The following LRCH2 variants were observed in gnomAD, a reference collection of about 807,000 sequenced individuals.
LRCH2 encodes leucine-rich repeat and calponin homology domain-containing protein 2.
A neutral mutation model predicts 68.9 loss-of-function variants in LRCH2; 38 were observed. That is an observed-to-expected ratio of 0.55 (90% CI 0.43 to 0.72). The LOEUF is 0.72. Ranked by LOEUF, LRCH2 falls within the 30% of genes least tolerant of loss-of-function variation. The pLI is 0.00. For synonymous variants in LRCH2, 191 were observed against 208.1 expected (o/e 0.92, Z 0.71); for missense variants, 528 against 572.9 (o/e 0.92, Z 0.80).
chrX:115,131,771 T>A (rs2072247634), intron 14 of LRCH2, among the ~76,000 whole-genome samples: 1 of 111,657 alleles, frequency 9.0e-6, no homozygotes, highest in South Asian at 3.8e-4. Context: ...GCACCTGTTG[T>A]TTCCTGACTT....
At chrX:115,229,525 T>C (rs1384076031) in intron 1 of LRCH2, among the ~76,000 whole-genome samples, 2 of 112,382 alleles carry the variant, frequency 1.8e-5, no homozygotes, top group African/African-American at 6.5e-5. Context: ...AACATTTTAT[T>C]TTAAATGAAA....
At chrX:115,115,803 T>A (rs113464752) in intron 20 of LRCH2, among the ~76,000 whole-genome samples, 5,864 of 109,342 alleles carry the variant, frequency 0.054, 396 homozygotes, top group African/African-American at 0.18. Context: ...AAATCATGTA[T>A]CTCTTAGGCA....
At chrX:115,149,721 C>G (rs1468504437) in intron 14 of LRCH2, 106 bp downstream of exon 14, 1 of 450,121 alleles carries the variant, frequency 2.2e-6, no homozygotes, top group African/African-American at 2.5e-5. Context: ...AACACATTTA[C>G]TACATTTAAC....
intron 1 of LRCH2, among the ~76,000 whole-genome samples, chrX:115,230,023 AC>A (rs782067124): frequency 3.6e-5 from 4 of 112,365 alleles, no homozygotes; most frequent in Non-Finnish European, 7.5e-5. Flanking sequence ...GTACGCTGAA[AC>A]ATATCCACTT....
chrX:115,123,576 T>A (rs1556526716), intron 17 of LRCH2, among the ~76,000 whole-genome samples: 2 of 112,206 alleles, frequency 1.8e-5, no homozygotes, highest in Non-Finnish European at 3.8e-5. Context: ...GTAACATGGA[T>A]CCATTTTCTT....
intron 1 of LRCH2, among the ~76,000 whole-genome samples, chrX:115,202,769 G>A (rs2072939121): frequency 8.9e-6 from 1 of 111,812 alleles, no homozygotes; most frequent in South Asian, 3.7e-4. Flanking sequence ...TCCATACAAT[G>A]GAATAGCTTC....
At chrX:115,191,770 G>C (rs2072828684) in intron 1 of LRCH2, 1 of 1,162,058 alleles carries the variant, frequency 8.6e-7, no homozygotes, top group Non-Finnish European at 1.1e-6. Flanking sequence ...CGGAGGAGGA[G>C]GCCGCTACGA....
intron 7 of LRCH2, 138 bp from the exon 8 acceptor site, chrX:115,166,090 T>G (rs2072557498): frequency 1.6e-6 from 1 of 621,604 alleles, no homozygotes; most frequent in Admixed American, 3.7e-5. Context: ...ACATAAGGTT[T>G]ACTGCTCAGC....
intron 1 of LRCH2, among the ~76,000 whole-genome samples, chrX:115,207,676 A>G (rs994955148): frequency 8.9e-6 from 1 of 112,125 alleles, no homozygotes; most frequent in Non-Finnish European, 1.9e-5. Context: ...AAAATGGTTC[A>G]CCTTTTCCAC....
At chrX:115,156,080 A>G (rs1556539624) in intron 12 of LRCH2, among the ~76,000 whole-genome samples, 1 of 111,510 alleles carries the variant, frequency 9.0e-6, no homozygotes, top group Non-Finnish European at 1.9e-5. Context: ...GCCAAGCAGA[A>G]AAAGACTGGG....
intron 1 of LRCH2, among the ~76,000 whole-genome samples, chrX:115,212,709 A>G (rs1193980203): frequency 1.8e-5 from 2 of 109,370 alleles, no homozygotes; most frequent in African/African-American, 6.7e-5. Flanking sequence ...AGTGGCTCAT[A>G]TCTACAATCC....
chrX:115,183,624 G>T (rs1435142705), intron 3 of LRCH2, among the ~76,000 whole-genome samples: 1 of 110,896 alleles, frequency 9.0e-6, no homozygotes, highest in African/African-American at 3.3e-5. Context: ...AACCTGGGAG[G>T]CGGAGGTTGC....
At chrX:115,202,274 A>C (rs1556566573) in intron 1 of LRCH2, among the ~76,000 whole-genome samples, 1 of 112,008 alleles carries the variant, frequency 8.9e-6, no homozygotes, top group Non-Finnish European at 1.9e-5. Flanking sequence ...AGAAAGAAAA[A>C]TATCACATGT....
chrX:115,213,209 A>C (rs1240639383), intron 1 of LRCH2, among the ~76,000 whole-genome samples: 1 of 112,174 alleles, frequency 8.9e-6, no homozygotes, highest in East Asian at 2.8e-4. Context: ...CTCACTTGTA[A>C]GATGCGCAGA....
intron 14 of LRCH2, among the ~76,000 whole-genome samples, chrX:115,139,592 C>T (rs2072319269): frequency 9.0e-6 from 1 of 111,331 alleles, no homozygotes; most frequent in South Asian, 3.8e-4. Context: ...CCAGCCTAGA[C>T]AATATGGTGA....
intron 7 of LRCH2, 36 bp downstream of exon 7, chrX:115,166,219 G>A: frequency 9.7e-7 from 1 of 1,025,918 alleles, no homozygotes; most frequent in Non-Finnish European, 1.4e-6. Context: ...TAATAAAATT[G>A]TAAAACAGAA....
intron 5 of LRCH2, among the ~76,000 whole-genome samples, chrX:115,178,823 C>T (rs910041347): frequency 8.9e-6 from 1 of 112,287 alleles, no homozygotes; most frequent in Admixed American, 9.5e-5. Context: ...TGCTCCTCAG[C>T]CAAATAATTT....
At chrX:115,189,582 G>C in intron 1 of LRCH2, 1 of 1,172,059 alleles carries the variant, frequency 8.5e-7, no homozygotes, top group Non-Finnish European at 1.1e-6. Context: ...AAACCAACAA[G>C]TCGAGGGGCT....
chrX:115,120,074 A>C (rs1297762107), intron 20 of LRCH2, among the ~76,000 whole-genome samples: 1 of 105,208 alleles, frequency 9.5e-6, no homozygotes, highest in Admixed American at 1.0e-4. Flanking sequence ...ACCCTAGAAG[A>C]AAACCTAGGC....
Sources: gnomAD v4.1 joint callset for allele counts (sites outside exome capture counted in the v4.1 genomes callset) on GRCh38, gnomAD v4.1.1 for gene constraint, MANE v1.5 for transcripts, NCBI Gene and HGNC (gene_info 2026-07-23, HGNC 2026-07-21) for gene names.